HUNK: variants seen among roughly 807,000 people sequenced by gnomAD.
HUNK encodes hormonally up-regulated Neu-associated kinase, also known as hormonally up-regulated neu tumor-associated kinase.
In HUNK, 21 loss-of-function variants were observed where a neutral mutation model predicts 61.0. That is an observed-to-expected ratio of 0.34 (90% CI 0.24 to 0.50). HUNK has a LOEUF of 0.50. HUNK is among the 20% of genes least tolerant of loss of function. The pLI, the probability that HUNK is intolerant of heterozygous loss-of-function variation, is 0.98. For missense variants in HUNK, 772 were observed against 945.7 expected, an observed-to-expected ratio of 0.82 and a Z score of 2.41; for synonymous variants, 371 against 386.1, an observed-to-expected ratio of 0.96 and a Z score of 0.46.
chr21:31,890,443 G>T (rs891758369), intron 1 of HUNK, among the ~76,000 whole-genome samples: 1 of 152,142 alleles, frequency 6.6e-6, no homozygotes, highest in Non-Finnish European at 1.5e-5. Flanking sequence ...TGGTCAGGCT[G>T]GTCTCGAACT....
intron 6 of HUNK, among the ~76,000 whole-genome samples, chr21:31,971,830 CT>C (rs11424112): frequency 0.05 from 6,931 of 138,626 alleles, 527 homozygotes; most frequent in African/African-American, 0.17. Flanking sequence ...CAGGTGCAGA[CT>C]TTTTTTTTTT....
intron 1 of HUNK, among the ~76,000 whole-genome samples, chr21:31,900,724 A>G (rs773918169): frequency 2.6e-5 from 4 of 152,172 alleles, no homozygotes; most frequent in Non-Finnish European, 5.9e-5. Flanking sequence ...CCTTGGGTTT[A>G]TCGTGTTTAT....
At chr21:31,981,406 G>T (rs2053096835) in intron 7 of HUNK, among the ~76,000 whole-genome samples, 1 of 149,936 alleles carries the variant, frequency 6.7e-6, no homozygotes, top group African/African-American at 2.5e-5. Flanking sequence ...AAACGTCATT[G>T]GAATTTTGAC....
chr21:31,914,677 C>T (rs1394470693), intron 1 of HUNK, among the ~76,000 whole-genome samples: 1 of 152,054 alleles, frequency 6.6e-6, no homozygotes, highest in East Asian at 1.9e-4. Context: ...CAAGGCTCTC[C>T]CCTTGGCTTC....
rs758460819 is a variant in HUNK at position 31,886,802 on chromosome 21, C to T, written c.261+12867C>T. On this transcript the variant is annotated intron_variant, in intron 1 of 10. Transcript: ENST00000270112. Reference sequence around the variant, plus strand: ...CTGAGATTACAGGTGCACACCACCACGCCCAGCTAATTTTTGTATTTTTAG... The same window carrying T: ...CTGAGATTACAGGTGCACACCACCATGCCCAGCTAATTTTTGTATTTTTAG... 3.9e-5 allele frequency among the ~76,000 whole-genome samples: 6 copies of T among 152,104 alleles called. No homozygotes were observed. In the South Asian group the frequency reaches 1.2e-3, roughly 31 times the overall value.
Position 31,908,950 on chromosome 21 carries a change from C to T in HUNK, c.262-15518C>T, listed in dbSNP as rs539337832. Among the ~76,000 whole-genome samples the T allele has an allele frequency of 4.6e-5, 7 of 152,236 alleles. No homozygotes were observed. In the South Asian group the frequency reaches 8.3e-4, roughly 18 times the overall value. On this transcript the variant is annotated intron_variant, in intron 1 of 10. Coordinates refer to ENST00000270112, the MANE Select transcript of HUNK (RefSeq NM_014586.2). ...GGGGCATACCAAGATGAATCACACA[C>T]GGTCTCAAAAAACTTGTAAACTGGG...
At chr21:31,923,517 A>AGGGAGGAAG (rs2052637063) in intron 1 of HUNK, among the ~76,000 whole-genome samples, 4 of 135,570 alleles carry the variant, frequency 3.0e-5, no homozygotes, top group Non-Finnish European at 6.2e-5. Flanking sequence ...GAGAGAGGGA[A>AGGGAGGAAG]GGAGGGAGGA....
At chr21:31,993,133 G>A (rs1258257988) in intron 9 of HUNK, among the ~76,000 whole-genome samples, 1 of 152,162 alleles carries the variant, frequency 6.6e-6, no homozygotes, top group African/African-American at 2.4e-5. Flanking sequence ...CCCCATAGCA[G>A]CTTTCTGCTC....
chr21:31,921,026 C>T (rs959903570), intron 1 of HUNK, among the ~76,000 whole-genome samples: 19 of 151,842 alleles, frequency 1.3e-4, no homozygotes, highest in Admixed American at 9.8e-4. Flanking sequence ...GTGGCGGGTG[C>T]CTGTAATCCC....
At chr21:31,970,215 G>A (rs2053000439) in intron 6 of HUNK, among the ~76,000 whole-genome samples, 1 of 152,212 alleles carries the variant, frequency 6.6e-6, no homozygotes, top group Non-Finnish European at 1.5e-5. Flanking sequence ...CAAAGAAGAT[G>A]GCCAGGCAGG....
At chr21:31,992,414 G>A (rs1408537417) in intron 9 of HUNK, among the ~76,000 whole-genome samples, 2 of 152,334 alleles carry the variant, frequency 1.3e-5, no homozygotes, top group South Asian at 2.1e-4. Context: ...GTGCACATCC[G>A]CAGTGGGTGG....
At chr21:31,939,714 G>GT (rs1316944132) in intron 2 of HUNK, among the ~76,000 whole-genome samples, 50 of 136,246 alleles carry the variant, frequency 3.7e-4, no homozygotes, top group South Asian at 1.2e-3. Context: ...GGCCTCATGT[G>GT]TTGTTTTTTT....
At position 31,968,369 on chromosome 21, in the gene HUNK, G is replaced by A; in HGVS notation, c.994G>A (p.Val332Ile). Reference protein sequence around the residue: ...ENYTGKVPCNVTYPNRISLED... With the variant: ...ENYTGKVPCNITYPNRISLED... ...TTACACGGGCAAAGTGCCCTGTAAT[G>A]TCACCTATCCCAACAGGTAATTTCG... The change falls in exon 6 of 11, where the codon GTC (valine) becomes ATC (isoleucine). Residue 332 changes from valine to isoleucine, a missense_variant. Transcript: ENST00000270112. The A allele has an allele frequency of 6.2e-7, 1 of 1,614,236 alleles. No individual in the cohort carries two copies. Among genetic ancestry groups the A allele is most frequent in the Non-Finnish European group, 8.5e-7 (1 of 1,180,040 alleles).
intron 1 of HUNK, among the ~76,000 whole-genome samples, chr21:31,913,732 C>T (rs1244382516): frequency 2.6e-5 from 4 of 151,708 alleles, no homozygotes; most frequent in African/African-American, 4.8e-5. Context: ...GAGGGGTGGA[C>T]GCGTGCCTCC....
At chr21:31,909,254 A>G (rs1415475139) in intron 1 of HUNK, among the ~76,000 whole-genome samples, 12 of 152,238 alleles carry the variant, frequency 7.9e-5, no homozygotes, top group South Asian at 6.2e-4. Flanking sequence ...TGCTATCTCA[A>G]TATTCTCCGT....
intron 6 of HUNK, among the ~76,000 whole-genome samples, chr21:31,968,782 G>T (rs1342711229): frequency 6.7e-6 from 1 of 149,046 alleles, no homozygotes; most frequent in African/African-American, 2.5e-5. Flanking sequence ...GTCTATGTCT[G>T]CTTGGGTCTC....
chr21:31,987,422 G>C (rs1411505751), intron 8 of HUNK, among the ~76,000 whole-genome samples: 1 of 152,164 alleles, frequency 6.6e-6, no homozygotes, highest in Non-Finnish European at 1.5e-5. Flanking sequence ...GTGTACCCTA[G>C]GTGGCCCCTA....
At chr21:31,987,174 TGGATTAAAGGCAGGG>T (rs2053139378) in intron 8 of HUNK, among the ~76,000 whole-genome samples, 1 of 152,176 alleles carries the variant, frequency 6.6e-6, no homozygotes, top group African/African-American at 2.4e-5. Context: ...GATACCTGGC[TGGATTAAAGGCAGGG>T]GGATACCTGC....
chr21:31,917,187 A>G (rs752456049), intron 1 of HUNK, among the ~76,000 whole-genome samples: 6 of 151,760 alleles, frequency 4.0e-5, no homozygotes, highest in Non-Finnish European at 7.4e-5. Context: ...GTTGTGAGAA[A>G]TGCTTTCTGT....
Sources: allele counts gnomAD v4.1 joint callset (sites outside exome capture counted in the v4.1 genomes callset), GRCh38; gene constraint gnomAD v4.1.1; transcripts MANE v1.5; gene names NCBI Gene and HGNC (gene_info 2026-07-23, HGNC 2026-07-21).